The following HECW1 variants were observed in gnomAD, a reference collection of about 807,000 sequenced individuals.
The protein encoded by HECW1 is HECT, C2 and WW domain containing E3 ubiquitin protein ligase 1.
A neutral mutation model predicts 182.3 loss-of-function variants in HECW1; 61 were observed. The ratio of observed to expected loss-of-function variants is 0.33; its 90% CI spans 0.27 to 0.41. The LOEUF (loss-of-function observed/expected upper bound fraction) is 0.41. Among genes scored for constraint, HECW1 ranks in the 10% least tolerant of loss-of-function variants. HECW1 has a pLI of 1.00. For missense variants in HECW1, 1,739 were observed against 2,108.9 expected, an observed-to-expected ratio of 0.82 and a Z score of 3.44; for synonymous variants, 859 against 832.6, an observed-to-expected ratio of 1.03 and a Z score of -0.55.
chr7:43,480,644 T>C (rs939745048), intron 17 of HECW1, among the ~76,000 whole-genome samples: 39 of 130,170 alleles, frequency 3.0e-4, no homozygotes, highest in Middle Eastern at 3.6e-3. Context: ...TGTGTACATA[T>C]GTGTGTGTGT....
At chr7:43,238,250 T>G (rs921461236) in intron 2 of HECW1, among the ~76,000 whole-genome samples, 2 of 152,080 alleles carry the variant, frequency 1.3e-5, no homozygotes, top group African/African-American at 4.8e-5. Context: ...ATGGCACTGG[T>G]GGGGAGGGGT....
Position 43,221,564 on chromosome 7 carries a change from T to G in HECW1, c.-31-22311T>G, listed in dbSNP as rs1194038180. Among the ~76,000 whole-genome samples, 46 of 110,772 alleles carry G rather than the reference T, an allele frequency of 4.2e-4. 1 individual carries two copies. The highest frequency in any genetic ancestry group is 1.9e-3 in the South Asian group (5 of 2,676). The allele number at this position is 110,772 out of a possible 152,430, so 72.7% of individuals were successfully genotyped here. A position where few individuals can be genotyped will look rare whatever the true frequency, so the allele number is the denominator to read the frequency against. On this transcript the variant is annotated intron_variant, in intron 2 of 29. Transcript: ENST00000395891. ...TTTTTTTTTTTTTTTTTTTTTTTTT[T>G]TTTTTTTTTTTTTTTGGGACAGCCT...
intron 3 of HECW1, among the ~76,000 whole-genome samples, chr7:43,261,666 G>A (rs1243087910): frequency 6.6e-6 from 1 of 152,074 alleles, no homozygotes; most frequent in East Asian, 1.9e-4. Context: ...ACTGGAAAGC[G>A]TTTTGTTCTG....
intron 3 of HECW1, among the ~76,000 whole-genome samples, chr7:43,263,017 A>G (rs1801349655): frequency 6.6e-6 from 1 of 152,268 alleles, no homozygotes; most frequent in African/African-American, 2.4e-5. Context: ...AAGAATTGAT[A>G]TCAAAATGAC....
intron 28 of HECW1, among the ~76,000 whole-genome samples, chr7:43,553,767 T>TA (rs1379733115): frequency 6.6e-6 from 1 of 151,882 alleles, no homozygotes; most frequent in Non-Finnish European, 1.5e-5. Flanking sequence ...ACCTCTACTC[T>TA]AGTGGCTTAC....
intron 6 of HECW1, among the ~76,000 whole-genome samples, chr7:43,393,342 GTCT>G (rs1260891811): frequency 6.6e-6 from 1 of 152,202 alleles, no homozygotes; most frequent in Admixed American, 6.5e-5. Context: ...TTTGGGCTGA[GTCT>G]TCACATCATT....
intron 3 of HECW1, among the ~76,000 whole-genome samples, chr7:43,293,419 G>T (rs1416197569): frequency 3.3e-5 from 5 of 152,082 alleles, no homozygotes; most frequent in Non-Finnish European, 5.9e-5. Flanking sequence ...AGTCTGATTG[G>T]TTACAAACAG....
At chr7:43,439,727 T>A (rs2076823366) in intron 9 of HECW1, 1 of 152,330 alleles carries the variant, frequency 6.6e-6, no homozygotes, top group African/African-American at 2.4e-5. Context: ...GGCTCCTATC[T>A]TCTTAGCACT....
intron 2 of HECW1, among the ~76,000 whole-genome samples, chr7:43,152,778 C>T (rs7807551): frequency 0.71 from 107,668 of 152,028 alleles, 38,613 homozygotes; most frequent in South Asian, 0.87. Context: ...CGGGGGCCCT[C>T]GGGTCTTCAT....
chr7:43,317,093 G>T (rs1363015007), intron 4 of HECW1, among the ~76,000 whole-genome samples: 2 of 152,072 alleles, frequency 1.3e-5, no homozygotes, highest in East Asian at 1.9e-4. Flanking sequence ...TTGTTGAAAG[G>T]ATTCCTTGAG....
At chr7:43,446,350 G>T (rs1238474571) in intron 11 of HECW1, among the ~76,000 whole-genome samples, 1 of 152,182 alleles carries the variant, frequency 6.6e-6, no homozygotes, top group Non-Finnish European at 1.5e-5. Flanking sequence ...AAATTAATTT[G>T]CATTTCCTTA....
At position 43,206,984 on chromosome 7, in the gene HECW1, T is replaced by C. The variant is rs571516538; in HGVS notation, c.-31-36891T>C. Among the ~76,000 whole-genome samples the C allele has an allele frequency of 4.6e-5, 7 of 152,356 alleles. No homozygotes were observed. The South Asian group carries it at 1.2e-3, about 27-fold the overall frequency. On this transcript the variant is annotated intron_variant, in intron 2 of 29. Coordinates refer to ENST00000395891, the MANE Select transcript of HECW1 (RefSeq NM_015052.5). ...ATTTTGAATATATTATTGCATTATC[T>C]TCCGAAGTCCTTTGCTGCTTTGTAA...
chr7:43,244,337 T>A (rs1799167169), intron 3 of HECW1, among the ~76,000 whole-genome samples: 1 of 152,190 alleles, frequency 6.6e-6, no homozygotes, highest in African/African-American at 2.4e-5. Flanking sequence ...CTTCTCCTCC[T>A]GACTCAGAGC....
At chr7:43,242,641 C>T (rs1019054400) in intron 2 of HECW1, among the ~76,000 whole-genome samples, 9 of 152,118 alleles carry the variant, frequency 5.9e-5, no homozygotes, top group African/African-American at 1.9e-4. Flanking sequence ...GGAGAGTTGG[C>T]GATGTTCACA....
chr7:43,165,325 T>C (rs1167171031), intron 2 of HECW1, among the ~76,000 whole-genome samples: 1 of 151,582 alleles, frequency 6.6e-6, no homozygotes, highest in Non-Finnish European at 1.5e-5. Flanking sequence ...TTTCCAACTT[T>C]AGAACACTGT....
chr7:43,180,661 C>G (rs1192580504), intron 2 of HECW1, among the ~76,000 whole-genome samples: 1 of 152,194 alleles, frequency 6.6e-6, no homozygotes, highest in African/African-American at 2.4e-5. Flanking sequence ...TCCCAAAGTG[C>G]TGGGATTACG....
At chr7:43,189,255 C>T (rs1793676860) in intron 2 of HECW1, among the ~76,000 whole-genome samples, 1 of 152,124 alleles carries the variant, frequency 6.6e-6, no homozygotes. Flanking sequence ...CATAACTACT[C>T]AAATTTTAAT....
At chr7:43,326,812 G>A (rs548478703) in intron 5 of HECW1, among the ~76,000 whole-genome samples, 1 of 152,338 alleles carries the variant, frequency 6.6e-6, no homozygotes, top group Admixed American at 6.5e-5. Flanking sequence ...GAAAAGCAGG[G>A]CTCCAGGGGA....
intron 18 of HECW1, 28 bp downstream of exon 18, chr7:43,492,208 G>A: frequency 6.7e-7 from 1 of 1,502,692 alleles, no homozygotes; most frequent in African/African-American, 1.4e-5. Flanking sequence ...TTGAGCCCCT[G>A]GCTCAAAGAA....
Sources: allele counts gnomAD v4.1 joint callset (sites outside exome capture counted in the v4.1 genomes callset), GRCh38; gene constraint gnomAD v4.1.1; transcripts MANE v1.5; gene names NCBI Gene and HGNC (gene_info 2026-07-23, HGNC 2026-07-21).